LGSN: variants seen among roughly 807,000 people sequenced by gnomAD.
The protein encoded by LGSN is lengsin.
Under a neutral mutation model 19.5 loss-of-function variants are expected in LGSN, and 21 were observed. The ratio of observed to expected loss-of-function variants is 1.07; its 90% CI spans 0.76 to 1.55. The LOEUF is 1.55. Among genes scored for constraint, LGSN ranks in the 40% most tolerant of loss-of-function variants. The pLI is 0.00. For synonymous variants in LGSN, 257 were observed against 215.6 expected (o/e 1.19, Z -1.68); for missense variants, 673 against 608.5 (o/e 1.11, Z -1.12).
chr6:63,546,661 G>C, the LGSN span, among the ~76,000 whole-genome samples: 1 of 151,842 alleles, frequency 6.6e-6, no homozygotes, highest in Non-Finnish European at 1.5e-5. Context: ...AGCTGAGATC[G>C]TGCCATTGTA....
the LGSN span, chr6:63,395,151 C>A: frequency 6.6e-6 from 1 of 152,604 alleles, no homozygotes; most frequent in South Asian, 2.0e-4. Flanking sequence ...TCTGGGCAGT[C>A]AGATCCACCC....
At chr6:63,368,286 C>CCTCTG in the LGSN span, among the ~76,000 whole-genome samples, 2 of 152,124 alleles carry the variant, frequency 1.3e-5, no homozygotes, top group African/African-American at 4.8e-5. Context: ...TCCAAGTACT[C>CCTCTG]CTCTGATGGT....
the LGSN span, among the ~76,000 whole-genome samples, chr6:63,505,564 AAAAAGAAAGAAAGAAAGAAAG>A: frequency 2.4e-4 from 23 of 95,264 alleles, no homozygotes; most frequent in Admixed American, 8.9e-4. Flanking sequence ...AAAAAAAAAA[AAAAAGAAAGAAAGAAAGAAAG>A]AAAGAAAGAA....
At chr6:63,474,433 C>T in the LGSN span, among the ~76,000 whole-genome samples, 1 of 151,318 alleles carries the variant, frequency 6.6e-6, no homozygotes, top group Non-Finnish European at 1.5e-5. Context: ...ATGGTGAAAC[C>T]CCGTCTCTAC....
chr6:63,412,474 GAAGA>G, the LGSN span, among the ~76,000 whole-genome samples: 18 of 96,782 alleles, frequency 1.9e-4, no homozygotes, highest in South Asian at 5.3e-3. Flanking sequence ...AAAAGAGAGA[GAAGA>G]AAGAGAAGAA....
the LGSN span, among the ~76,000 whole-genome samples, chr6:63,436,787 A>G: frequency 4.6e-5 from 7 of 152,132 alleles, no homozygotes; most frequent in South Asian, 2.1e-4. Flanking sequence ...TGTAATCCCA[A>G]CACTTTGGGA....
chr6:63,282,349 T>C (rs1767352625), intron 3 of LGSN, among the ~76,000 whole-genome samples: 1 of 152,202 alleles, frequency 6.6e-6, no homozygotes. Flanking sequence ...TTTTCTTTCT[T>C]TCTCTTTCTT....
chr6:63,439,805 T>C, the LGSN span, among the ~76,000 whole-genome samples: 1 of 152,214 alleles, frequency 6.6e-6, no homozygotes, highest in Admixed American at 6.5e-5. Flanking sequence ...AAAGCTCTAC[T>C]CTTCTTTAAG....
At chr6:63,572,857 GC>G in the LGSN span, 1 of 394,102 alleles carries the variant, frequency 2.5e-6, no homozygotes, top group Non-Finnish European at 4.5e-6. Context: ...CCGGGTGGGA[GC>G]GGGCGGGTTA....
the LGSN span, chr6:63,549,507 A>G: frequency 1.4e-6 from 1 of 719,750 alleles, no homozygotes; most frequent in Non-Finnish European, 2.4e-6. Context: ...TCCTTTCGGC[A>G]GGAGGAGAGA....
chr6:63,420,926 A>C, the LGSN span, among the ~76,000 whole-genome samples: 1 of 152,202 alleles, frequency 6.6e-6, no homozygotes, highest in Non-Finnish European at 1.5e-5. Context: ...TGGTAAAGAA[A>C]TAGAAGATAA....
At chr6:63,426,379 A>T in the LGSN span, among the ~76,000 whole-genome samples, 1 of 152,228 alleles carries the variant, frequency 6.6e-6, no homozygotes, top group Non-Finnish European at 1.5e-5. Context: ...TATTAGAACT[A>T]TGCAACCCTC....
the LGSN span, among the ~76,000 whole-genome samples, chr6:63,503,452 G>A: frequency 6.6e-6 from 1 of 152,214 alleles, no homozygotes; most frequent in African/African-American, 2.4e-5. Flanking sequence ...GCTTCACGTT[G>A]ACAAAATCCA....
the LGSN span, among the ~76,000 whole-genome samples, chr6:63,439,899 A>G: frequency 2.6e-5 from 4 of 152,212 alleles, no homozygotes; most frequent in African/African-American, 9.6e-5. Context: ...TTATGTTTCT[A>G]TAGCCCTTCA....
the LGSN span, among the ~76,000 whole-genome samples, chr6:63,457,944 T>C: frequency 6.6e-6 from 1 of 152,282 alleles, no homozygotes; most frequent in Admixed American, 6.5e-5. Flanking sequence ...CTTTCACATA[T>C]TTACCATCTA....
chr6:63,432,189 A>AAAGGGAAAG, the LGSN span, among the ~76,000 whole-genome samples: 11 of 28,948 alleles, frequency 3.8e-4, no homozygotes, highest in African/African-American at 2.0e-3. Context: ...GAAAGAAAAG[A>AAAGGGAAAG]AAAGAAAAGA....
intron 1 of LGSN, among the ~76,000 whole-genome samples, chr6:63,312,165 G>GTA (rs1346623140): frequency 3.9e-5 from 6 of 152,106 alleles, no homozygotes; most frequent in African/African-American, 1.2e-4. Flanking sequence ...ATCCCATTGT[G>GTA]TATATATATC....
chr6:63,438,858 A>C, the LGSN span, among the ~76,000 whole-genome samples: 1 of 152,026 alleles, frequency 6.6e-6, no homozygotes, highest in African/African-American at 2.4e-5. Flanking sequence ...TACTGGGTAT[A>C]TACCCAAAGG....
chr6:63,285,656 A>C lies in LGSN; in HGVS notation c.261T>G (p.Phe87Leu). ...RQAMAKNRLQ[F>L]VRFEATDLHG... ...GGAGGTCTGTTGCTTCAAATCGTAC[A>C]AACTGGAGGCGATTTTTGGCCATGG... The change falls in exon 3 of 4, where the codon TTT becomes TTG. Residue 87 changes from phenylalanine to leucine, a missense_variant. Transcript: ENST00000370657. The C allele has an allele frequency of 6.2e-7, 1 of 1,614,060 alleles. No individual in the cohort carries two copies. The highest frequency in any genetic ancestry group is 1.6e-4 in the Middle Eastern group (1 of 6,062).
Sources: gnomAD v4.1 joint callset for allele counts (sites outside exome capture counted in the v4.1 genomes callset) on GRCh38, gnomAD v4.1.1 for gene constraint, MANE v1.5 for transcripts, NCBI Gene and HGNC (gene_info 2026-07-23, HGNC 2026-07-21) for gene names.